Variants in PRICKLE1 observed in about 807,000 individuals in gnomAD.
PRICKLE1 encodes prickle-like protein 1.
PRICKLE1 carries 14 observed loss-of-function variants against 70.2 expected under a neutral mutation model. The observed-to-expected ratio is 0.20, with a 90% CI of 0.13 to 0.31. PRICKLE1 has a LOEUF of 0.31. Among genes scored for constraint, PRICKLE1 ranks in the 10% least tolerant of loss-of-function variants. The pLI is 1.00. For synonymous variants in PRICKLE1, 357 were observed against 379.9 expected (o/e 0.94, Z 0.70); for missense variants, 821 against 1,026.2 (o/e 0.80, Z 2.73).
chr12:42,463,128 C>T (rs1350806647), intron 7 of PRICKLE1, among the ~76,000 whole-genome samples: 2 of 151,730 alleles, frequency 1.3e-5, no homozygotes, highest in Non-Finnish European at 2.9e-5. Context: ...TGAGACCAGC[C>T]TGTCTCACAA....
intron 1 of PRICKLE1, among the ~76,000 whole-genome samples, chr12:42,530,429 C>T (rs2120539818): frequency 6.6e-6 from 1 of 152,286 alleles, no homozygotes; most frequent in Middle Eastern, 3.4e-3. Flanking sequence ...GTTCAGTCCA[C>T]TAAATCCTCA....
At chr12:42,543,580 T>C (rs1161519615) in intron 1 of PRICKLE1, among the ~76,000 whole-genome samples, 1 of 152,126 alleles carries the variant, frequency 6.6e-6, no homozygotes. Context: ...TGGAGTGCAG[T>C]GGCGCGATCT....
intron 1 of PRICKLE1, among the ~76,000 whole-genome samples, chr12:42,576,871 C>T (rs1459298999): frequency 6.6e-6 from 1 of 152,006 alleles, no homozygotes; most frequent in Non-Finnish European, 1.5e-5. Context: ...AACATCTAGG[C>T]CAGTAGGTAT....
chr12:42,463,221 C>G (rs1937929745), intron 7 of PRICKLE1, among the ~76,000 whole-genome samples: 2 of 151,964 alleles, frequency 1.3e-5, no homozygotes, highest in African/African-American at 4.8e-5. Flanking sequence ...AACTCAGGAA[C>G]CTGAGAGGCA....
intron 1 of PRICKLE1, among the ~76,000 whole-genome samples, chr12:42,535,022 G>T (rs1939994023): frequency 6.6e-6 from 1 of 152,096 alleles, no homozygotes; most frequent in Non-Finnish European, 1.5e-5. Flanking sequence ...AGTTTTGGTG[G>T]GGCAGAACCC....
chr12:42,463,100 C>T (rs1937922297), intron 7 of PRICKLE1, among the ~76,000 whole-genome samples: 1 of 152,112 alleles, frequency 6.6e-6, no homozygotes. Context: ...GCAGGTGGAT[C>T]ACCTGAGGTC....
At chr12:42,540,299 G>T (rs1209016340) in intron 1 of PRICKLE1, among the ~76,000 whole-genome samples, 1 of 152,154 alleles carries the variant, frequency 6.6e-6, no homozygotes, top group East Asian at 1.9e-4. Context: ...AAGAGTTTGG[G>T]TCTGAAGTTG....
intron 1 of PRICKLE1, among the ~76,000 whole-genome samples, chr12:42,544,869 T>C (rs1940179379): frequency 6.6e-6 from 1 of 152,168 alleles, no homozygotes; most frequent in South Asian, 2.1e-4. Context: ...ACTACCACAG[T>C]TGATTTTACA....
rs540080182 is a variant in PRICKLE1 at position 42,498,782 on chromosome 12, T to C, written c.-48-26218A>G. 9.8e-5 allele frequency among the ~76,000 whole-genome samples: 15 copies of C among 152,296 alleles called. 1 individual carries two copies. In the South Asian group the frequency reaches 3.1e-3, roughly 32 times the overall value. The stretch of plus-strand genomic sequence containing the variant: ...CACTTTCAGGCTGTAGAACTGGTAG[T>C]TTCCACCCATATGTTTCATTCTGCT... On this transcript the variant is annotated intron_variant, in intron 1 of 7. Transcript: ENST00000345127.
chr12:42,527,915 T>TAC (rs1349743611), intron 1 of PRICKLE1, among the ~76,000 whole-genome samples: 5,742 of 103,850 alleles, frequency 0.055, 323 homozygotes, highest in South Asian at 0.089. Context: ...ATACTCTTTA[T>TAC]AATATATATA....
chr12:42,464,670 A>G lies in PRICKLE1; in HGVS notation c.1364T>C (p.Leu455Ser), dbSNP rs774727935. ...TGCAAGGCTCTGGTTATTTTGCTTTAACTCGGTCTTACTTTTAACCATGTT... is the reference window on the plus strand; with the variant it reads ...TGCAAGGCTCTGGTTATTTTGCTTTGACTCGGTCTTACTTTTAACCATGTT... Reference protein sequence around the residue: ...SDNMVKSKTELKQNNQSLASK... With the variant: ...SDNMVKSKTESKQNNQSLASK... The change falls in exon 7 of 8, where the codon TTA becomes TCA. Residue 455 changes from leucine to serine, a missense_variant. Leu to Ser is a moderately radical substitution (Grantham distance 145, BLOSUM62 -2). Coordinates refer to ENST00000345127, the MANE Select transcript of PRICKLE1 (RefSeq NM_153026.3). This position sits in a 1 kb window ranked among gnomAD's most constrained non-coding sequence, Gnocchi z 4.2. 2.5e-6 allele frequency: 4 copies of G among 1,614,012 alleles called. No homozygotes were observed. In the East Asian group the frequency reaches 8.9e-5, roughly 36 times the overall value.
At chr12:42,506,158 G>A (rs1405767890) in intron 1 of PRICKLE1, among the ~76,000 whole-genome samples, 2 of 151,976 alleles carry the variant, frequency 1.3e-5, no homozygotes, top group African/African-American at 4.8e-5. Context: ...CGAAGGGGAA[G>A]TGATTTTAGG....
chr12:42,514,776 TCA>T lies in PRICKLE1; in HGVS notation c.-48-42214_-48-42213del, dbSNP rs142066308. ...GGCTTGTTTTGAGAAACAGCAGTTC[TCA>T]GTTTCTTCCCTTTTCTGCTTCCCCT... On this transcript the variant is annotated intron_variant, in intron 1 of 7. Coordinates refer to ENST00000345127, the MANE Select transcript of PRICKLE1 (RefSeq NM_153026.3). Among the ~76,000 whole-genome samples, 266 of 152,324 alleles carry T rather than the reference TCA, an allele frequency of 1.7e-3. 10 individuals carry two copies. In the East Asian group the frequency reaches 0.041, roughly 24 times the overall value.
At chr12:42,461,848 G>A (rs571534057) in intron 7 of PRICKLE1, among the ~76,000 whole-genome samples, 18 of 152,290 alleles carry the variant, frequency 1.2e-4, no homozygotes, top group African/African-American at 4.3e-4. Context: ...GCCCAGGCTG[G>A]AGTGCAGTGG....
Position 42,459,897 on chromosome 12 carries a change from G to A in PRICKLE1, c.2408C>T (p.Ser803Phe). 6.2e-7 allele frequency: 1 copy of A among 1,614,168 alleles called. No individual in the cohort carries two copies. Among genetic ancestry groups the A allele is most frequent in the South Asian group, 1.1e-5 (1 of 91,080 alleles). The change falls in exon 8 of 8, where the codon TCT becomes TTT. Residue 803 changes from serine (S) to phenylalanine (F), a missense_variant. Physicochemically the swap from Ser to Phe is radical, Grantham distance 155. Coordinates refer to ENST00000345127, the MANE Select transcript of PRICKLE1 (RefSeq NM_153026.3). ...YYTDDLSSPP[S>F]ALPTPQFGQR... The stretch of plus-strand genomic sequence containing the variant: ...ACCAAACTGAGGGGTGGGAAGTGCA[G>A]ATGGTGGACTAGAAAGGTCATCTGT...
At chr12:42,514,002 AAAC>A (rs1464924111) in intron 1 of PRICKLE1, among the ~76,000 whole-genome samples, 6 of 152,162 alleles carry the variant, frequency 3.9e-5, no homozygotes, top group African/African-American at 1.2e-4. Context: ...TGCCTCCAAA[AAAC>A]AACAACAAAA....
intron 1 of PRICKLE1, chr12:42,483,425 G>A (rs1938878138): frequency 1.3e-5 from 2 of 151,746 alleles, no homozygotes; most frequent in Admixed American, 6.6e-5. Context: ...TCGCGGCGCC[G>A]GCCCCTGAGC....
intron 1 of PRICKLE1, among the ~76,000 whole-genome samples, chr12:42,507,272 G>A (rs1370551369): frequency 1.3e-5 from 2 of 152,284 alleles, no homozygotes; most frequent in African/African-American, 4.8e-5. Context: ...GGCAGATCAC[G>A]TGTCATTTGG....
At chr12:42,524,199 G>A (rs1296184280) in intron 1 of PRICKLE1, among the ~76,000 whole-genome samples, 1 of 152,188 alleles carries the variant, frequency 6.6e-6, no homozygotes, top group African/African-American at 2.4e-5. Flanking sequence ...AATCAAGGCT[G>A]TCTTGAAGCA....
Sources: gnomAD v4.1 joint callset for allele counts (sites outside exome capture counted in the v4.1 genomes callset) on GRCh38, gnomAD v4.1.1 for gene constraint, Gnocchi (gnomAD v3.1) non-coding constraint, MANE v1.5 for transcripts, NCBI Gene and HGNC (gene_info 2026-07-23, HGNC 2026-07-21) for gene names.